Variants in IGF1R observed in about 807,000 individuals in gnomAD.
IGF1R encodes insulin like growth factor 1 receptor.
IGF1R carries 44 observed loss-of-function variants against 144.6 expected under a neutral mutation model. That is an observed-to-expected ratio of 0.30 (90% CI 0.24 to 0.39). IGF1R has a LOEUF of 0.39. Among genes scored for constraint, IGF1R ranks in the 10% least tolerant of loss-of-function variants. IGF1R has a pLI of 1.00. For synonymous variants in IGF1R, 795 were observed against 722.8 expected (o/e 1.10, Z -1.60); for missense variants, 1,355 against 1,833.7 (o/e 0.74, Z 4.77).
intron 2 of IGF1R, among the ~76,000 whole-genome samples, chr15:98,882,354 G>A (rs2013427187): frequency 6.6e-6 from 1 of 152,240 alleles, no homozygotes; most frequent in African/African-American, 2.4e-5. Context: ...GTCAAGATGG[G>A]TGCCATCTGG....
chr15:98,859,169 C>T (rs2012004731), intron 2 of IGF1R, among the ~76,000 whole-genome samples: 1 of 152,052 alleles, frequency 6.6e-6, no homozygotes, highest in African/African-American at 2.4e-5. Context: ...TTACAAAGCC[C>T]ATGTATATTG....
At chr15:98,782,950 T>C (rs1229271451) in intron 2 of IGF1R, among the ~76,000 whole-genome samples, 1 of 152,218 alleles carries the variant, frequency 6.6e-6, no homozygotes, top group Non-Finnish European at 1.5e-5. Context: ...ATTAACCTTT[T>C]TGGAGCTGTG....
chr15:98,960,932 T>G lies in IGF1R; in HGVS notation c.*3490T>G, dbSNP rs941768214. On this transcript the variant is annotated 3_prime_UTR_variant, in exon 21 of 21. Coordinates refer to ENST00000650285, the MANE Select transcript of IGF1R (RefSeq NM_000875.5). ...CCCCCCCGCCAGGGCTGTACCTCCG[T>G]CTCCCTGGTCCTGCTGCTCACAGGA... 3 of 233,740 alleles carry G rather than the reference T, an allele frequency of 1.3e-5. No individual in the cohort carries two copies. Among genetic ancestry groups the G allele is most frequent in the African/African-American group, 6.6e-5 (3 of 45,282 alleles). The allele number at this position is 233,740 out of a possible 1,614,324, so 14.5% of individuals were successfully genotyped here.
Position 98,934,894 on chromosome 15 carries a change from G to T in IGF1R, c.3027G>T (p.Ser1009=). 1.2e-6 allele frequency: 2 copies of T among 1,614,168 alleles called. No individual in the cohort carries two copies. Among genetic ancestry groups the T allele is most frequent in the Non-Finnish European group, 1.7e-6 (2 of 1,180,036 alleles). ...ITMSRELGQG[S]FGMVYEGVAK... Reference sequence around the variant, plus strand: ...TGAGCCGGGAACTTGGGCAGGGGTCGTTTGGGATGGTCTATGAAGGAGTTG... The same window carrying T: ...TGAGCCGGGAACTTGGGCAGGGGTCTTTTGGGATGGTCTATGAAGGAGTTG... The change falls in exon 16 of 21, where the codon TCG becomes TCT. Residue 1009 remains serine, a synonymous_variant. Transcript: ENST00000650285.
intron 1 of IGF1R, among the ~76,000 whole-genome samples, chr15:98,687,712 C>T (rs531635174): frequency 5.5e-4 from 84 of 152,292 alleles, no homozygotes; most frequent in African/African-American, 1.9e-3. Flanking sequence ...TTAGAAGCCA[C>T]GACTTGGCAT....
chr15:98,788,645 T>C (rs2056061412), intron 2 of IGF1R, among the ~76,000 whole-genome samples: 1 of 152,238 alleles, frequency 6.6e-6, no homozygotes, highest in South Asian at 2.1e-4. Context: ...CTGCTCAGCC[T>C]TGATTGGGCT....
intron 8 of IGF1R, among the ~76,000 whole-genome samples, chr15:98,913,989 T>C (rs1596442978): frequency 6.6e-6 from 1 of 152,216 alleles, no homozygotes; most frequent in African/African-American, 2.4e-5. Flanking sequence ...TTATAAGCAA[T>C]AGAAATGTAT....
chr15:98,929,358 ATATT>A (rs1335221291), intron 13 of IGF1R, among the ~76,000 whole-genome samples, 196 bp from the exon 14 acceptor site: 2 of 152,206 alleles, frequency 1.3e-5, no homozygotes, highest in Non-Finnish European at 2.9e-5. Context: ...CAGTCTGCAC[ATATT>A]TACTCTTTTT....
At chr15:98,731,813 C>T (rs1223153001) in intron 2 of IGF1R, among the ~76,000 whole-genome samples, 7 of 152,150 alleles carry the variant, frequency 4.6e-5, no homozygotes, top group Non-Finnish European at 1.0e-4. Context: ...GGAAGCAAAC[C>T]ATTGGAAAAT....
intron 2 of IGF1R, among the ~76,000 whole-genome samples, chr15:98,825,188 C>T (rs971638685): frequency 6.8e-6 from 1 of 147,912 alleles, no homozygotes; most frequent in Non-Finnish European, 1.5e-5. Flanking sequence ...AGACCATATA[C>T]AGTGGCACCA....
At chr15:98,815,846 T>A (rs1437091195) in intron 2 of IGF1R, among the ~76,000 whole-genome samples, 1 of 152,186 alleles carries the variant, frequency 6.6e-6, no homozygotes, top group Non-Finnish European at 1.5e-5. Context: ...CCCTTCTTCT[T>A]TCTGATGCTT....
At chr15:98,869,117 A>C (rs2012628384) in intron 2 of IGF1R, among the ~76,000 whole-genome samples, 1 of 152,294 alleles carries the variant, frequency 6.6e-6, no homozygotes, top group South Asian at 2.1e-4. Context: ...AGGAAGGGGC[A>C]AGGAAATATT....
chr15:98,911,967 C>T (rs1315712372), intron 7 of IGF1R, among the ~76,000 whole-genome samples: 1 of 152,152 alleles, frequency 6.6e-6, no homozygotes, highest in East Asian at 1.9e-4. Context: ...AGAGAACAAC[C>T]TTCATGTCTT....
Position 98,964,428 on chromosome 15 carries a change from T to C in IGF1R, c.*6986T>C, listed in dbSNP as rs2017348372. The C allele has an allele frequency of 4.4e-6, 1 of 228,574 alleles. No homozygotes were observed. Among genetic ancestry groups the C allele is most frequent in the Admixed American group, 5.7e-5 (1 of 17,626 alleles). The allele number at this position is 228,574 out of a possible 1,614,324, so 14.2% of individuals were successfully genotyped here. ...TACATAATGGAAAAAAGAAACTGTC[T>C]ATTTTGAATGGCTGAAGCTAAGGCA... On this transcript the variant is annotated 3_prime_UTR_variant, in exon 21 of 21. Coordinates refer to ENST00000650285, the MANE Select transcript of IGF1R (RefSeq NM_000875.5).
chr15:98,797,143 C>G (rs1205108419), intron 2 of IGF1R, among the ~76,000 whole-genome samples: 2 of 152,232 alleles, frequency 1.3e-5, no homozygotes, highest in Non-Finnish European at 2.9e-5. Context: ...GACAGCAGCA[C>G]TGATAAATGC....
chr15:98,891,989 A>G lies in IGF1R; in HGVS notation c.953+352A>G, dbSNP rs1159935707. Among the ~76,000 whole-genome samples the G allele has an allele frequency of 2.0e-5, 3 of 152,174 alleles. No individual in the cohort carries two copies. Among genetic ancestry groups the G allele is most frequent in the South Asian group, 2.1e-4 (1 of 4,830 alleles). On this transcript the variant is annotated intron_variant, in intron 3 of 20. Transcript: ENST00000650285. The surrounding 1 kb of genome is among the most constrained non-coding windows in gnomAD (Gnocchi z 4.7). Reference sequence around the variant, plus strand: ...GGGAACTGTAGTTTTGGATTTTCCTAGTCTGGGTGCTGCTAGCCAGGTGAG... The same window carrying G: ...GGGAACTGTAGTTTTGGATTTTCCTGGTCTGGGTGCTGCTAGCCAGGTGAG...
intron 1 of IGF1R, 44 bp downstream of exon 1, chr15:98,649,719 C>T (rs571256670): frequency 4.2e-6 from 6 of 1,419,052 alleles, no homozygotes; most frequent in East Asian, 4.6e-5. Flanking sequence ...GGAACTTTTC[C>T]TCCGAGGGGC....
chr15:98,664,789 C>T (rs2052689732), intron 1 of IGF1R, among the ~76,000 whole-genome samples: 1 of 150,420 alleles, frequency 6.6e-6, no homozygotes, highest in Non-Finnish European at 1.5e-5. Context: ...GGTTTATAAA[C>T]ACTAGGAGTT....
intron 2 of IGF1R, among the ~76,000 whole-genome samples, chr15:98,729,405 A>C (rs962746798): frequency 2.0e-5 from 3 of 152,204 alleles, no homozygotes; most frequent in Non-Finnish European, 2.9e-5. Context: ...CTCCACAGGT[A>C]ATCTTGTATT....
Sources: gnomAD v4.1 joint callset for allele counts (sites outside exome capture counted in the v4.1 genomes callset) on GRCh38, gnomAD v4.1.1 for gene constraint, Gnocchi (gnomAD v3.1) non-coding constraint, MANE v1.5 for transcripts, NCBI Gene and HGNC (gene_info 2026-07-23, HGNC 2026-07-21) for gene names.